Variants in RASGRP1 observed in about 807,000 individuals in gnomAD.
RASGRP1 encodes the protein RAS guanyl-releasing protein 1.
Under a neutral mutation model 95.1 loss-of-function variants are expected in RASGRP1, and 37 were observed. The ratio of observed to expected loss-of-function variants is 0.39; its 90% CI spans 0.30 to 0.51. The LOEUF is 0.51. Ranked by LOEUF, RASGRP1 falls within the 20% of genes least tolerant of loss-of-function variation. RASGRP1 has a pLI of 0.80. For synonymous variants in RASGRP1, 325 were observed against 353.4 expected, an observed-to-expected ratio of 0.92 and a Z score of 0.90; for missense variants, 711 against 965.4, an observed-to-expected ratio of 0.74 and a Z score of 3.49.
intron 5 of RASGRP1, 110 bp downstream of exon 5, chr15:38,518,182 G>T: frequency 9.6e-7 from 1 of 1,037,778 alleles, no homozygotes; most frequent in Non-Finnish European, 1.4e-6. Flanking sequence ...TCTCAGAGTG[G>T]AGAAAGAGAG....
chr15:38,531,141 A>G (rs140509845), intron 2 of RASGRP1, among the ~76,000 whole-genome samples: 6 of 152,322 alleles, frequency 3.9e-5, no homozygotes, highest in Admixed American at 3.9e-4. Context: ...CACTTTAACC[A>G]TGTTCTAACT....
chr15:38,539,349 G>A (rs1892776726), intron 2 of RASGRP1, among the ~76,000 whole-genome samples: 1 of 152,142 alleles, frequency 6.6e-6, no homozygotes, highest in Non-Finnish European at 1.5e-5. Flanking sequence ...TTACAGACAT[G>A]CTCTCAATAT....
At chr15:38,532,911 G>T (rs969049454) in intron 2 of RASGRP1, among the ~76,000 whole-genome samples, 1 of 152,190 alleles carries the variant, frequency 6.6e-6, no homozygotes, top group Non-Finnish European at 1.5e-5. Context: ...AACTGGCAAA[G>T]GGTGGTGATG....
chr15:38,563,845 T>A (rs965874703), intron 1 of RASGRP1, among the ~76,000 whole-genome samples: 2 of 152,190 alleles, frequency 1.3e-5, no homozygotes, highest in Non-Finnish European at 2.9e-5. Context: ...CCCATCAGTG[T>A]CGATGTGAAT....
intron 16 of RASGRP1, 58 bp downstream of exon 16, chr15:38,494,323 TG>T (rs1339621245): frequency 1.3e-6 from 2 of 1,583,506 alleles, no homozygotes; most frequent in Non-Finnish European, 1.7e-6. Context: ...TGCTCTTTCC[TG>T]GTTTGGCCCC....
chr15:38,537,536 T>G (rs1892702590), intron 2 of RASGRP1, among the ~76,000 whole-genome samples: 1 of 152,090 alleles, frequency 6.6e-6, no homozygotes, highest in African/African-American at 2.4e-5. Flanking sequence ...ACTATAGACA[T>G]GAGCCAGGCA....
intron 2 of RASGRP1, among the ~76,000 whole-genome samples, chr15:38,544,895 CA>C (rs1051912900): frequency 2.2e-4 from 34 of 152,186 alleles, no homozygotes; most frequent in African/African-American, 7.5e-4. Flanking sequence ...TTCTGAGACC[CA>C]AAAATAGTTG....
intron 2 of RASGRP1, among the ~76,000 whole-genome samples, chr15:38,547,964 A>AAGTTTCC: frequency 6.7e-6 from 1 of 148,708 alleles, no homozygotes; most frequent in Non-Finnish European, 1.5e-5. Context: ...TAAAGATTAC[A>AAGTTTCC]AGTTTCCAGG....
At chr15:38,527,911 A>G (rs1394453234) in intron 2 of RASGRP1, among the ~76,000 whole-genome samples, 1 of 152,114 alleles carries the variant, frequency 6.6e-6, no homozygotes, top group African/African-American at 2.4e-5. Context: ...GTGAGCTATG[A>G]TAACATCACT....
At chr15:38,511,478 C>T (rs1216413223) in intron 8 of RASGRP1, 126 bp downstream of exon 8, 1 of 683,922 alleles carries the variant, frequency 1.5e-6, no homozygotes, top group Non-Finnish European at 2.6e-6. Context: ...GCCTCCCTGC[C>T]ACTTAGCCTG....
chr15:38,562,591 T>G (rs1044836655), intron 1 of RASGRP1, among the ~76,000 whole-genome samples: 1 of 152,154 alleles, frequency 6.6e-6, no homozygotes, highest in Non-Finnish European at 1.5e-5. Flanking sequence ...AGGGGAAAGG[T>G]TTTAAAAAAA....
chr15:38,508,710 G>T (rs1891368103), intron 8 of RASGRP1, among the ~76,000 whole-genome samples: 1 of 152,228 alleles, frequency 6.6e-6, no homozygotes, highest in African/African-American at 2.4e-5. Flanking sequence ...AAACCTGGAA[G>T]TGGGAACGGC....
chr15:38,496,762 G>GAAAATTTTTACTTGGCTGATGT, intron 15 of RASGRP1, among the ~76,000 whole-genome samples: 1 of 152,274 alleles, frequency 6.6e-6, no homozygotes, highest in African/African-American at 2.4e-5. Context: ...TAGGAAGACA[G>GAAAATTTTTACTTGGCTGATGT]AAAATTTTTA....
At chr15:38,502,188 G>T in intron 12 of RASGRP1, 124 bp downstream of exon 12, 2 of 667,144 alleles carry the variant, frequency 3.0e-6, no homozygotes, top group African/African-American at 1.8e-5. Flanking sequence ...ATATTTCATG[G>T]TCTGTTCTTT....
intron 2 of RASGRP1, among the ~76,000 whole-genome samples, chr15:38,547,699 G>A (rs1417298476): frequency 2.0e-5 from 3 of 151,456 alleles, no homozygotes; most frequent in Non-Finnish European, 2.9e-5. Context: ...TTTAAAAACG[G>A]GCAAACAAGC....
At chr15:38,520,784 T>C (rs1318307502) in intron 3 of RASGRP1, among the ~76,000 whole-genome samples, 1 of 152,186 alleles carries the variant, frequency 6.6e-6, no homozygotes, top group East Asian at 1.9e-4. Context: ...ATTATTCAAA[T>C]TAACGAAACA....
chr15:38,549,824 G>GA (rs879666400), intron 2 of RASGRP1, among the ~76,000 whole-genome samples: 13 of 149,342 alleles, frequency 8.7e-5, no homozygotes, highest in African/African-American at 2.2e-4. Context: ...ACTCTTTGGG[G>GA]AAAAAAAAAC....
chr15:38,527,869 G>A lies in RASGRP1; in HGVS notation c.221-1465C>T, dbSNP rs528014202. Among the ~76,000 whole-genome samples, 148 of 152,154 alleles carry A rather than the reference G, an allele frequency of 9.7e-4. No homozygotes were observed. In the South Asian group the frequency reaches 0.01, roughly 11 times the overall value. The stretch of plus-strand genomic sequence containing the variant: ...AGTGCTTTGGGAGGTCAAGGTGGGA[G>A]GATCGCTTGAGGTCAGGAGTTTGAG... On this transcript the variant is annotated intron_variant, in intron 2 of 16. Transcript: ENST00000310803.
At chr15:38,506,360 C>T (rs1891250949) in intron 9 of RASGRP1, among the ~76,000 whole-genome samples, 1 of 152,160 alleles carries the variant, frequency 6.6e-6, no homozygotes, top group Admixed American at 6.5e-5. Context: ...AGTCTGGGTG[C>T]ATGGTGGCTC....
Sources: allele counts gnomAD v4.1 joint callset (sites outside exome capture counted in the v4.1 genomes callset), GRCh38; gene constraint gnomAD v4.1.1; transcripts MANE v1.5; gene names NCBI Gene and HGNC (gene_info 2026-07-23, HGNC 2026-07-21).